The following AEBP2 variants were observed in gnomAD, a reference collection of about 807,000 sequenced individuals.
The protein encoded by AEBP2 is AE binding protein 2, also known as zinc finger protein AEBP2.
In AEBP2, 10 loss-of-function variants were observed where a neutral mutation model predicts 50.8. The observed-to-expected ratio is 0.20, with a 90% CI of 0.12 to 0.33. The LOEUF is 0.33. Ranked by LOEUF, AEBP2 falls within the 10% of genes least tolerant of loss-of-function variation. AEBP2 has a pLI of 1.00. For missense variants in AEBP2, 570 were observed against 688.0 expected (o/e 0.83, Z 1.92); for synonymous variants, 296 against 261.3 (o/e 1.13, Z -1.28).
chr12:19,477,100 T>C (rs2153373101), intron 3 of AEBP2, among the ~76,000 whole-genome samples: 1 of 152,324 alleles, frequency 6.6e-6, no homozygotes, highest in South Asian at 2.1e-4. Flanking sequence ...AGTTCTTTAG[T>C]TGTTTCTCAA....
At chr12:19,512,590 T>G (rs1949249987) in intron 6 of AEBP2, 125 bp downstream of exon 6, 1 of 693,288 alleles carries the variant, frequency 1.4e-6, no homozygotes, top group Non-Finnish European at 2.3e-6. Flanking sequence ...GTTTTGAGGT[T>G]GTCAGGATTA....
At chr12:19,484,689 A>G (rs1030502246) in intron 3 of AEBP2, among the ~76,000 whole-genome samples, 3 of 152,038 alleles carry the variant, frequency 2.0e-5, no homozygotes, top group Non-Finnish European at 4.4e-5. Flanking sequence ...AATAGTTTTA[A>G]TTAGTATTTC....
At chr12:19,433,996 G>A (rs144735596) in intron 1 of AEBP2, among the ~76,000 whole-genome samples, 3,152 of 151,724 alleles carry the variant, frequency 0.021, 61 homozygotes, top group Non-Finnish European at 0.028. Context: ...ACAGGCACAC[G>A]CCACCATGCC....
At chr12:19,505,388 A>G (rs1336566046) in intron 5 of AEBP2, among the ~76,000 whole-genome samples, 1 of 152,350 alleles carries the variant, frequency 6.6e-6, no homozygotes, top group South Asian at 2.1e-4. Context: ...GTACTAATGT[A>G]ATGACATAGC....
At chr12:19,505,156 AG>A in intron 5 of AEBP2, among the ~76,000 whole-genome samples, 1 of 152,294 alleles carries the variant, frequency 6.6e-6, no homozygotes, top group East Asian at 1.9e-4. Flanking sequence ...GCAAGGTTAG[AG>A]CCTTGCTCAC....
chr12:19,408,326 G>A (rs1452667960), intron 1 of AEBP2, among the ~76,000 whole-genome samples: 29 of 151,988 alleles, frequency 1.9e-4, no homozygotes, highest in Non-Finnish European at 1.9e-4. Context: ...GGAGGCCGAG[G>A]TGGACGGATC....
chr12:19,489,479 A>C (rs1393224843), intron 3 of AEBP2, among the ~76,000 whole-genome samples: 1 of 152,214 alleles, frequency 6.6e-6, no homozygotes, highest in Non-Finnish European at 1.5e-5. Context: ...ATTCAAGATG[A>C]GATTTGGATG....
At chr12:19,456,838 G>A (rs900533363) in intron 1 of AEBP2, 7 of 1,541,524 alleles carry the variant, frequency 4.5e-6, no homozygotes, top group South Asian at 1.1e-5. Flanking sequence ...GTCTCCACTC[G>A]GCCAACAGGA....
intron 6 of AEBP2, among the ~76,000 whole-genome samples, chr12:19,513,154 C>T (rs990367251): frequency 3.3e-5 from 5 of 152,020 alleles, no homozygotes; most frequent in Non-Finnish European, 5.9e-5. Context: ...TACAAGCAGC[C>T]ATAGCTGTGC....
At chr12:19,451,141 A>G (rs1048331294) in intron 1 of AEBP2, among the ~76,000 whole-genome samples, 2 of 152,202 alleles carry the variant, frequency 1.3e-5, no homozygotes, top group African/African-American at 2.4e-5. Flanking sequence ...TGGCTGCATG[A>G]CAGCCCTTTT....
At chr12:19,505,983 A>G (rs943335147) in intron 5 of AEBP2, among the ~76,000 whole-genome samples, 1 of 151,388 alleles carries the variant, frequency 6.6e-6, no homozygotes, top group Non-Finnish European at 1.5e-5. Context: ...TAGAGATGAC[A>G]TCTTGCTATG....
intron 1 of AEBP2, among the ~76,000 whole-genome samples, chr12:19,446,247 T>C (rs1195984469): frequency 2.0e-5 from 3 of 152,248 alleles, no homozygotes; most frequent in Non-Finnish European, 2.9e-5. Context: ...TCAGATACTT[T>C]GTTTTTAAAG....
chr12:19,521,940 C>G lies in AEBP2; in HGVS notation c.*3823C>G, dbSNP rs1252606072. 2 of 152,018 alleles carry G rather than the reference C, an allele frequency of 1.3e-5. No individual in the cohort carries two copies. Among genetic ancestry groups the G allele is most frequent in the African/African-American group, 4.8e-5 (2 of 41,410 alleles). 9.4% of individuals were successfully genotyped at this position (152,018 alleles called of 1,614,324 possible). ...CCTTTAATACCTCTGCATAAGTTCT[C>G]TGAAAGAACTTAAATTCTTAGTTTA... On this transcript the variant is annotated 3_prime_UTR_variant, in exon 8 of 8. Coordinates refer to ENST00000266508, the MANE Select transcript of AEBP2 (RefSeq NM_153207.5).
chr12:19,409,802 A>C (rs1414388141), intron 1 of AEBP2, among the ~76,000 whole-genome samples: 2 of 152,218 alleles, frequency 1.3e-5, no homozygotes, highest in Non-Finnish European at 2.9e-5. Context: ...TTTCTAAGTT[A>C]TAGAAAGTCA....
chr12:19,446,715 G>A (rs1402280744), intron 1 of AEBP2, among the ~76,000 whole-genome samples: 2 of 137,162 alleles, frequency 1.5e-5, no homozygotes, highest in Non-Finnish European at 1.5e-5. Context: ...CTGGGCGACA[G>A]AGCGAGACTC....
chr12:19,461,041 C>T (rs924745458), intron 1 of AEBP2, among the ~76,000 whole-genome samples: 1 of 152,100 alleles, frequency 6.6e-6, no homozygotes, highest in Non-Finnish European at 1.5e-5. Flanking sequence ...AAACAGATTA[C>T]AGATAGCAAA....
rs1309582528 is a variant in AEBP2, at chr12:19,460,433, C to T, written c.672-2077C>T. On this transcript the variant is annotated intron_variant, in intron 1 of 7. Transcript: ENST00000266508. ...CTTGGCTCACTGCAACCTCCTACTG[C>T]AACCTCCTCCTCCCAGGTTCAAGCA... Among the ~76,000 whole-genome samples, 4 of 152,150 alleles carry T rather than the reference C, an allele frequency of 2.6e-5. No individual in the cohort carries two copies. The East Asian group carries it at 5.8e-4, about 22-fold the overall frequency.
intron 3 of AEBP2, among the ~76,000 whole-genome samples, chr12:19,484,693 G>A (rs552668694): frequency 4.1e-4 from 62 of 152,012 alleles, no homozygotes; most frequent in African/African-American, 1.4e-3. Flanking sequence ...GTTTTAATTA[G>A]TATTTCTTTC....
At chr12:19,417,842 CTA>C (rs1429523768) in intron 1 of AEBP2, among the ~76,000 whole-genome samples, 1 of 151,846 alleles carries the variant, frequency 6.6e-6, no homozygotes, top group Non-Finnish European at 1.5e-5. Flanking sequence ...GTAGCTGGGA[CTA>C]TAGGCATGTG....
Sources: gnomAD v4.1 joint callset for allele counts (sites outside exome capture counted in the v4.1 genomes callset) on GRCh38, gnomAD v4.1.1 for gene constraint, MANE v1.5 for transcripts, NCBI Gene and HGNC (gene_info 2026-07-23, HGNC 2026-07-21) for gene names.